The following NAV1 variants were observed in gnomAD, a reference collection of about 807,000 sequenced individuals.
NAV1 encodes the protein neuron navigator 1.
A neutral mutation model predicts 175.2 loss-of-function variants in NAV1; 18 were observed. The observed-to-expected ratio is 0.10, with a 90% CI of 0.07 to 0.15. The LOEUF (loss-of-function observed/expected upper bound fraction) is 0.15. Among genes scored for constraint, NAV1 ranks in the 10% least tolerant of loss-of-function variants. The pLI, the probability that NAV1 is intolerant of heterozygous loss-of-function variation, is 1.00. For missense variants in NAV1, 1,731 were observed against 2,436.6 expected, an observed-to-expected ratio of 0.71 and a Z score of 6.10; for synonymous variants, 897 against 978.7, an observed-to-expected ratio of 0.92 and a Z score of 1.56.
Position 201,788,716 on chromosome 1 carries a change from A to C in NAV1, c.3166+78A>C. On this transcript the variant is annotated intron_variant, in intron 10 of 29. Coordinates refer to ENST00000367296, the Ensembl canonical transcript of NAV1. This position sits in a 1 kb window ranked among gnomAD's most constrained non-coding sequence, Gnocchi z 5.7. ...CTCACCCACCACCTCCACTCCCACC[A>C]CTCCTACCACCACACACATATATGA... is the stretch of plus-strand genomic sequence containing the variant. 7.2e-7 allele frequency: 1 copy of C among 1,397,370 alleles called. No homozygotes were observed. Among genetic ancestry groups the C allele is most frequent in the Non-Finnish European group, 9.8e-7 (1 of 1,021,712 alleles). The allele number at this position is 1,397,370 out of a possible 1,614,324, so 86.6% of individuals were successfully genotyped here. A position where few individuals can be genotyped will look rare whatever the true frequency, so the allele number is the denominator to read the frequency against.
chr1:201,597,257 G>A (rs1048721800), intron 2 of NAV1, among the ~76,000 whole-genome samples: 3 of 152,248 alleles, frequency 2.0e-5, no homozygotes, highest in Non-Finnish European at 2.9e-5. Context: ...AGTGAAGGGG[G>A]TTGAGGAGAG....
intron 1 of NAV1, among the ~76,000 whole-genome samples, chr1:201,562,737 G>T (rs1265403404): frequency 6.6e-6 from 1 of 152,164 alleles, no homozygotes; most frequent in Non-Finnish European, 1.5e-5. Context: ...GTTTTAGCTT[G>T]CAGGGTACTT....
At chr1:201,793,687 C>A in intron 13 of NAV1, 105 bp from the exon 18 acceptor site, 1 of 954,612 alleles carries the variant, frequency 1.0e-6, no homozygotes, top group Non-Finnish European at 1.6e-6. Flanking sequence ...TGGCATTGGT[C>A]AGCTCCGAGA....
chr1:201,564,362 C>T (rs904969017), intron 1 of NAV1, among the ~76,000 whole-genome samples: 4 of 152,196 alleles, frequency 2.6e-5, no homozygotes, highest in African/African-American at 9.7e-5. Flanking sequence ...CGCCTGTAAT[C>T]CCAGCACTTT....
At chr1:201,761,793 C>T (rs973514775) in intron 3 of NAV1, among the ~76,000 whole-genome samples, 4 of 152,164 alleles carry the variant, frequency 2.6e-5, no homozygotes, top group East Asian at 1.9e-4. Context: ...ACAAGCAGTA[C>T]GAATGCTTCT....
At chr1:201,553,371 C>A (rs759330827) in intron 1 of NAV1, among the ~76,000 whole-genome samples, 5 of 152,158 alleles carry the variant, frequency 3.3e-5, no homozygotes, top group Non-Finnish European at 7.4e-5. Context: ...CTAAACTCAG[C>A]CAGAGGAGTG....
chr1:201,647,537 A>C (rs1202378473), upstream of NAV1, among the ~76,000 whole-genome samples: 1 of 152,146 alleles, frequency 6.6e-6, no homozygotes, highest in Non-Finnish European at 1.5e-5. Context: ...GCTAATTGGA[A>C]TAGAAACCCA....
chr1:201,722,574 A>G (rs1438749736), intron 3 of NAV1, among the ~76,000 whole-genome samples: 1 of 152,154 alleles, frequency 6.6e-6, no homozygotes, highest in Non-Finnish European at 1.5e-5. Context: ...GTGTCCAAAT[A>G]TTATTCAAGT....
chr1:201,710,291 TTG>T (rs1671851380), intron 1 of NAV1, among the ~76,000 whole-genome samples: 1 of 149,234 alleles, frequency 6.7e-6, no homozygotes, highest in African/African-American at 2.6e-5. Context: ...AGCATCTTCT[TTG>T]TTTTTTTTTT....
intron 3 of NAV1, chr1:201,739,670 G>C (rs239982): frequency 5.2e-6 from 3 of 573,814 alleles, no homozygotes; most frequent in East Asian, 8.2e-5. Context: ...CGAGCCCCCA[G>C]CCCCGTCGGC....
intron 1 of NAV1, among the ~76,000 whole-genome samples, chr1:201,704,226 G>A (rs574471857): frequency 4.8e-4 from 73 of 152,348 alleles, no homozygotes; most frequent in African/African-American, 1.7e-3. Flanking sequence ...TCAGCCCTAG[G>A]AGTGCAGAGT....
chr1:201,541,145 T>C lies in NAV1; in HGVS notation c.-144+1803T>C, dbSNP rs1282116604. Among the ~76,000 whole-genome samples the C allele has an allele frequency of 2.0e-5, 3 of 152,234 alleles. No individual in the cohort carries two copies. The East Asian group carries it at 5.8e-4, about 29-fold the overall frequency. The stretch of plus-strand genomic sequence containing the variant: ...AGTGTGCCATGCTTTGTATTTTAGA[T>C]ATTTGGGTGTTTGTGCACATGCCTA... On this transcript the variant is annotated intron_variant, in intron 1 of 33. Coordinates refer to the NAV1 transcript ENST00000685211.
intron 1 of NAV1, among the ~76,000 whole-genome samples, chr1:201,664,058 G>A (rs1212132404): frequency 6.6e-6 from 1 of 152,176 alleles, no homozygotes; most frequent in African/African-American, 2.4e-5. Context: ...TTGGGTTCTG[G>A]GAGGGAAGAT....
At chr1:201,761,302 G>C (rs1674826068) in intron 3 of NAV1, among the ~76,000 whole-genome samples, 1 of 152,216 alleles carries the variant, frequency 6.6e-6, no homozygotes, top group Non-Finnish European at 1.5e-5. Flanking sequence ...TGTTCAGAGG[G>C]AACGCCTGGC....
chr1:201,642,555 T>TTC (rs1553247082), intron 2 of NAV1, among the ~76,000 whole-genome samples: 5 of 131,506 alleles, frequency 3.8e-5, no homozygotes, highest in African/African-American at 1.4e-4. Flanking sequence ...CTTTCTTTCT[T>TTC]TTTTCCCTTT....
chr1:201,815,953 G>T (rs1452172076), intron 28 of NAV1, among the ~76,000 whole-genome samples: 2 of 152,066 alleles, frequency 1.3e-5, no homozygotes, highest in Non-Finnish European at 2.9e-5. Context: ...GGTCAGGCTG[G>T]TCTCGAACTC....
intron 3 of NAV1, among the ~76,000 whole-genome samples, chr1:201,727,842 C>T (rs115018824): frequency 0.025 from 3,739 of 152,242 alleles, 63 homozygotes; most frequent in Non-Finnish European, 0.038. Flanking sequence ...TATGTCAGCT[C>T]CCATTCATTA....
rs1173411437 is a variant in NAV1 at position 201,808,005 on chromosome 1, C to T, written c.3701C>T (p.Ala1234Val). Reference sequence around the variant, plus strand: ...AGTATAAAAAAGGGGCCCAAGTCAGCTTCCTCATACTCGGATATAGAGGAG... The same window carrying T: ...AGTATAAAAAAGGGGCCCAAGTCAGTTTCCTCATACTCGGATATAGAGGAG... Residue 1234 changes from alanine to valine, a missense_variant, in exon 18 of 30, where the codon GCT (alanine) becomes GTT (valine). By Grantham distance (64) the Ala-to-Val change is moderately conservative. This residue lies in a region of NAV1 where 146 missense variants were observed against 176.8 expected (regional missense o/e 0.83). Transcript: ENST00000367296. This position sits in a 1 kb window ranked among gnomAD's most constrained non-coding sequence, Gnocchi z 5.5. The T allele has an allele frequency of 1.9e-6, 3 of 1,614,202 alleles. No individual in the cohort carries two copies. The highest frequency in any genetic ancestry group is 1.7e-5 in the Admixed American group (1 of 60,010).
chr1:201,642,561 C>CTTTCTTTCTTTCTTTCTTTCTTT (rs1223515987), intron 2 of NAV1, among the ~76,000 whole-genome samples: 15 of 92,618 alleles, frequency 1.6e-4, no homozygotes, highest in Admixed American at 4.2e-4. Flanking sequence ...TTCTTTTTTC[C>CTTTCTTTCTTTCTTTCTTTCTTT]CTTTCTTCCC....
Sources: allele counts gnomAD v4.1 joint callset (sites outside exome capture counted in the v4.1 genomes callset), GRCh38; gene constraint gnomAD v4.1.1; regional missense constraint gnomAD v4.1.1; non-coding constraint Gnocchi (gnomAD v3.1); transcripts MANE v1.5; gene names NCBI Gene and HGNC (gene_info 2026-07-23, HGNC 2026-07-21).